Variants in DLEU7 observed in about 807,000 individuals in gnomAD.
The protein encoded by DLEU7 is leukemia-associated protein 7.
Under a neutral mutation model 16.0 loss-of-function variants are expected in DLEU7, and 17 were observed. The observed-to-expected ratio is 1.06, with a 90% CI of 0.73 to 1.59. The LOEUF is 1.59. DLEU7 is among the 40% of genes most tolerant of loss of function. DLEU7 has a pLI of 0.00. For synonymous variants in DLEU7, 113 were observed against 139.8 expected, an observed-to-expected ratio of 0.81 and a Z score of 1.35; for missense variants, 308 against 314.9, an observed-to-expected ratio of 0.98 and a Z score of 0.17.
At chr13:50,740,616 G>A (rs1170260804) in intron 1 of DLEU7, among the ~76,000 whole-genome samples, 7 of 152,038 alleles carry the variant, frequency 4.6e-5, no homozygotes, top group Non-Finnish European at 2.9e-5. Flanking sequence ...AGGTCCCCAA[G>A]CCTTTTTATC....
At chr13:50,832,862 C>T (rs953883053) in intron 1 of DLEU7, among the ~76,000 whole-genome samples, 28 of 152,048 alleles carry the variant, frequency 1.8e-4, no homozygotes, top group African/African-American at 5.3e-4. Context: ...GTATGATTTC[C>T]GTTCTTTTGC....
At chr13:50,768,999 T>G (rs928859989) in intron 1 of DLEU7, among the ~76,000 whole-genome samples, 1 of 152,342 alleles carries the variant, frequency 6.6e-6, no homozygotes, top group Admixed American at 6.5e-5. Context: ...AGATGGTATC[T>G]CACTGTGGTT....
intron 1 of DLEU7, among the ~76,000 whole-genome samples, chr13:50,824,264 G>A (rs184806656): frequency 6.6e-6 from 1 of 152,214 alleles, no homozygotes; most frequent in African/African-American, 2.4e-5. Context: ...ATCCCTAAAT[G>A]GTTTATTTTC....
At chr13:50,837,744 G>A (rs2137815805) in intron 1 of DLEU7, among the ~76,000 whole-genome samples, 1 of 152,182 alleles carries the variant, frequency 6.6e-6, no homozygotes, top group African/African-American at 2.4e-5. Flanking sequence ...TTCGCCAATA[G>A]GAAAAAGATT....
chr13:50,810,537 T>C (rs750572539), intron 1 of DLEU7, among the ~76,000 whole-genome samples: 6 of 152,172 alleles, frequency 3.9e-5, no homozygotes, highest in Non-Finnish European at 5.9e-5. Flanking sequence ...CCTTCTCATT[T>C]AGCTATTGAA....
chr13:50,786,914 T>G (rs1875806817), intron 1 of DLEU7, among the ~76,000 whole-genome samples: 1 of 152,204 alleles, frequency 6.6e-6, no homozygotes, highest in African/African-American at 2.4e-5. Context: ...GATGATAAAT[T>G]ATTTGTAAAT....
intron 1 of DLEU7, among the ~76,000 whole-genome samples, chr13:50,810,755 C>A (rs936665439): frequency 8.5e-5 from 13 of 152,064 alleles, no homozygotes; most frequent in Admixed American, 4.6e-4. Context: ...GTTAAAGGGG[C>A]CTTGGGAGGA....
At chr13:50,805,158 A>G (rs1285289691) in intron 1 of DLEU7, among the ~76,000 whole-genome samples, 1 of 152,166 alleles carries the variant, frequency 6.6e-6, no homozygotes, top group Non-Finnish European at 1.5e-5. Flanking sequence ...TTCCTTATAG[A>G]TTATAGCACT....
chr13:50,804,581 C>A (rs1190869175), intron 1 of DLEU7, among the ~76,000 whole-genome samples: 1 of 151,828 alleles, frequency 6.6e-6, no homozygotes, highest in Non-Finnish European at 1.5e-5. Context: ...GTAGCTGCAA[C>A]CACAGGCATG....
chr13:50,783,786 C>T (rs545863859), intron 1 of DLEU7, among the ~76,000 whole-genome samples: 1 of 151,692 alleles, frequency 6.6e-6, no homozygotes, highest in Non-Finnish European at 1.5e-5. Context: ...GAAATTTACT[C>T]CAGCAACAGA....
intron 1 of DLEU7, among the ~76,000 whole-genome samples, chr13:50,714,840 G>A (rs1873394707): frequency 6.6e-6 from 1 of 152,160 alleles, no homozygotes; most frequent in Admixed American, 6.6e-5. Context: ...AAACAAATTA[G>A]CACACATTTA....
intron 1 of DLEU7, among the ~76,000 whole-genome samples, chr13:50,750,131 C>T (rs1874520924): frequency 6.6e-6 from 1 of 152,088 alleles, no homozygotes; most frequent in African/African-American, 2.4e-5. Flanking sequence ...AGATGAGGAA[C>T]CAGTTTCATT....
intron 1 of DLEU7, among the ~76,000 whole-genome samples, chr13:50,825,907 C>A (rs150366885): frequency 6.6e-6 from 1 of 152,102 alleles, no homozygotes; most frequent in Admixed American, 6.5e-5. Context: ...ATGTGCACAA[C>A]GTGCAGGTTT....
intron 1 of DLEU7, among the ~76,000 whole-genome samples, chr13:50,827,279 T>C (rs768613829): frequency 6.6e-5 from 10 of 152,180 alleles, no homozygotes; most frequent in Non-Finnish European, 1.2e-4. Context: ...GGCAAGCTCA[T>C]AAATATCAGA....
chr13:50,713,768 T>C (rs1306679752), intron 1 of DLEU7, among the ~76,000 whole-genome samples: 1 of 152,134 alleles, frequency 6.6e-6, no homozygotes, highest in East Asian at 1.9e-4. Context: ...GGCTTGATTA[T>C]AAAATAAACT....
intron 1 of DLEU7, among the ~76,000 whole-genome samples, chr13:50,794,443 G>A (rs1358939735): frequency 6.6e-6 from 1 of 152,144 alleles, no homozygotes; most frequent in Non-Finnish European, 1.5e-5. Flanking sequence ...CTTGCCCAAA[G>A]CCACACAGTT....
chr13:50,838,723 T>C (rs566906842), intron 1 of DLEU7, among the ~76,000 whole-genome samples: 11 of 152,304 alleles, frequency 7.2e-5, no homozygotes, highest in African/African-American at 2.4e-4. Context: ...CAACCCCCAA[T>C]GTGACTGTAT....
At chr13:50,712,923 G>C (rs746381810) in exon 2 of DLEU7, 21 of 372,086 alleles carry the variant, frequency 5.6e-5, no homozygotes, top group African/African-American at 4.3e-4. Flanking sequence ...AATTTGTCAC[G>C]ATCTTCTTAA....
intron 1 of DLEU7, among the ~76,000 whole-genome samples, chr13:50,733,402 C>T (rs1873975937): frequency 6.6e-6 from 1 of 152,200 alleles, no homozygotes; most frequent in South Asian, 2.1e-4. Flanking sequence ...TATCCATACT[C>T]TTTCAGTATT....
Sources: allele counts gnomAD v4.1 joint callset (sites outside exome capture counted in the v4.1 genomes callset), GRCh38; gene constraint gnomAD v4.1.1; transcripts MANE v1.5; gene names NCBI Gene and HGNC (gene_info 2026-07-23, HGNC 2026-07-21).